RTL1: variants seen among roughly 807,000 people sequenced by gnomAD.
RTL1 encodes the protein retrotransposon Gag like 1, also known as retrotransposon-like protein 1.
For missense variants in RTL1, 1,681 were observed against 1,767.5 expected (o/e 0.95, Z 0.88); for synonymous variants, 727 against 748.4 (o/e 0.97, Z 0.47).
chr14:100,899,919 C>A (rs1259600907), intron 2 of RTL1, among the ~76,000 whole-genome samples: 1 of 152,148 alleles, frequency 6.6e-6, no homozygotes, highest in African/African-American at 2.4e-5. Flanking sequence ...GGAGACCCAA[C>A]AGAGGACAAC....
At position 100,883,700 on chromosome 14, in the gene RTL1, C is replaced by G. The variant is rs1404771425; in HGVS notation, c.1089G>C (p.Glu363Asp). 1 of 1,551,682 alleles carries G rather than the reference C, an allele frequency of 6.4e-7. No homozygotes were observed. The highest frequency in any genetic ancestry group is 8.7e-7 in the Non-Finnish European group (1 of 1,147,004). Residue 363 changes from glutamate (E) to aspartate (D), a missense_variant, in exon 4 of 4, where the codon GAG becomes GAC. Coordinates refer to ENST00000649591, the MANE Select transcript of RTL1 (RefSeq NM_001134888.3). This position sits in a 1 kb window ranked among gnomAD's most constrained non-coding sequence, Gnocchi z 5.9. ...LILQIEEKLA[E>D]RRAMLRLPPE... ...GGGGCAGCCTGAGCATAGCTCTTCT[C>G]TCTGCCAGCTTCTCTTCTATTTGCA...
Position 100,882,418 on chromosome 14 carries a change from T to G in RTL1, c.2371A>C (p.Lys791Gln). 1 of 1,552,006 alleles carries G rather than the reference T, an allele frequency of 6.4e-7. No individual in the cohort carries two copies. Among genetic ancestry groups the G allele is most frequent in the Non-Finnish European group, 8.7e-7 (1 of 1,147,074 alleles). Residue 791 changes from lysine to glutamine, a missense_variant, in exon 4 of 4, where the codon AAG becomes CAG. Physicochemically the swap from Lys to Gln is moderately conservative, Grantham distance 53 (BLOSUM62 1). Coordinates refer to ENST00000649591, the MANE Select transcript of RTL1 (RefSeq NM_001134888.3). Reference sequence around the variant, plus strand: ...CCTGTTATGATGGTCATGACGTTCTTGTTCAGTTTCACCCCTTTGGGGGTG... The same window carrying G: ...CCTGTTATGATGGTCATGACGTTCTGGTTCAGTTTCACCCCTTTGGGGGTG... ...VVTPKGVKLN[K>Q]NVMTIITGYP... is the part of the protein sequence containing the mutation.
In RTL1 at chr14:100,882,330, C is replaced by T. The variant is rs1361005947; in HGVS notation, c.2459G>A (p.Arg820His). 1 of 1,551,650 alleles carries T rather than the reference C, an allele frequency of 6.4e-7. No individual in the cohort carries two copies. Among genetic ancestry groups the T allele is most frequent in the Non-Finnish European group, 8.7e-7 (1 of 1,147,008 alleles). ...RNFIEFVFPY[R>H]HFVERFSIIA... is the part of the protein sequence containing the mutation. ...GATGCTGAAGCGCTCCACGAAGTGGCGGTAGGGGAAGACGAATTCGATGAA... is the reference window on the plus strand; with the variant it reads ...GATGCTGAAGCGCTCCACGAAGTGGTGGTAGGGGAAGACGAATTCGATGAA... Residue 820 changes from arginine to histidine, a missense_variant, in exon 4 of 4, where the codon CGC becomes CAC. Coordinates refer to ENST00000649591, the MANE Select transcript of RTL1 (RefSeq NM_001134888.3).
At chr14:100,888,419 T>TA (rs2038722852) in intron 3 of RTL1, among the ~76,000 whole-genome samples, 1 of 152,178 alleles carries the variant, frequency 6.6e-6, no homozygotes, top group South Asian at 2.1e-4. Context: ...GATGATCTAT[T>TA]AAAAAACCCC....
intron 3 of RTL1, among the ~76,000 whole-genome samples, chr14:100,888,470 A>AAGCC (rs749105306): frequency 0.098 from 14,941 of 152,228 alleles, 957 homozygotes; most frequent in Middle Eastern, 0.15. Context: ...TTATTGGCTT[A>AAGCC]AATCCAAAGT....
chr14:100,881,413 G>A lies in RTL1; in HGVS notation c.3376C>T (p.Leu1126Phe), dbSNP rs1566752436. ...ARPQPQRSLR[L>F]ILDSSLIAGS... ...GCGATGAGGGACGAATCCAGGATGAGTCGTAGGGAGCGCTGGGGCTGGGGC... is the reference window on the plus strand; with the variant it reads ...GCGATGAGGGACGAATCCAGGATGAATCGTAGGGAGCGCTGGGGCTGGGGC... The change falls in exon 4 of 4, where the codon CTC (leucine) becomes TTC (phenylalanine). Residue 1126 changes from leucine (L) to phenylalanine (F), a missense_variant. Coordinates refer to ENST00000649591, the MANE Select transcript of RTL1 (RefSeq NM_001134888.3). This position sits in a 1 kb window ranked among gnomAD's most constrained non-coding sequence, Gnocchi z 6.6. 10 of 1,550,754 alleles carry A rather than the reference G, an allele frequency of 6.4e-6. No homozygotes were observed. Among genetic ancestry groups the A allele is most frequent in the Admixed American group, 2.0e-5 (1 of 50,990 alleles).
chr14:100,885,940 T>C lies in RTL1; in HGVS notation c.-86-1066A>G, dbSNP rs551254178. Among the ~76,000 whole-genome samples, 15 of 152,230 alleles carry C rather than the reference T, an allele frequency of 9.9e-5. No individual in the cohort carries two copies. In the East Asian group the frequency reaches 2.1e-3, roughly 22 times the overall value. ...ACATGTATCTGGCAGAGTTGGGACA[T>C]TGAGTGTGGGGGTTGGGGGGAACAT... On this transcript the variant is annotated intron_variant, in intron 3 of 3. Transcript: ENST00000649591.
At chr14:100,901,182 C>T (rs541479002) in intron 2 of RTL1, among the ~76,000 whole-genome samples, 17 of 152,334 alleles carry the variant, frequency 1.1e-4, no homozygotes, top group Admixed American at 7.8e-4. Flanking sequence ...ACTCTGCCCT[C>T]CTTGAAATTT....
At chr14:100,895,199 G>A (rs2038838495) in intron 2 of RTL1, among the ~76,000 whole-genome samples, 1 of 152,240 alleles carries the variant, frequency 6.6e-6, no homozygotes, top group Admixed American at 6.5e-5. Flanking sequence ...CGGTGTTAAA[G>A]TTTATCACCA....
chr14:100,897,997 AG>A (rs767138320), intron 2 of RTL1: 4 of 513,112 alleles, frequency 7.8e-6, no homozygotes, highest in South Asian at 5.7e-5. Flanking sequence ...GAGGTCCATT[AG>A]AAGACAATAG....
At chr14:100,894,502 C>T (rs1426372666) in intron 2 of RTL1, among the ~76,000 whole-genome samples, 1 of 152,148 alleles carries the variant, frequency 6.6e-6, no homozygotes, top group Non-Finnish European at 1.5e-5. Context: ...CGCCCTGGGT[C>T]CCCATACACA....
chr14:100,896,054 C>G (rs903959279), intron 2 of RTL1, among the ~76,000 whole-genome samples: 8 of 147,354 alleles, frequency 5.4e-5, no homozygotes, highest in Non-Finnish European at 7.4e-5. Context: ...GCCTGGGTGA[C>G]AGCAAGACTC....
At chr14:100,890,244 G>A (rs1489846480) in intron 3 of RTL1, among the ~76,000 whole-genome samples, 1 of 151,834 alleles carries the variant, frequency 6.6e-6, no homozygotes, top group Non-Finnish European at 1.5e-5. Flanking sequence ...CTCCTTGCTT[G>A]CCTCTGAGCC....
In RTL1 at chr14:100,882,828, A is replaced by G; in HGVS notation, c.1961T>C (p.Phe654Ser). The change falls in exon 4 of 4, where the codon TTT becomes TCT. Residue 654 changes from phenylalanine (F) to serine (S), a missense_variant. Phe to Ser is a radical substitution (Grantham distance 155). Transcript: ENST00000649591. ...QDYIQMIPEL[F>S]DQLHGAEWFT... ...CCACTCGGCTCCGTGTAACTGGTCAAACAGTTCCGGAATCATCTGTATGTA... is the reference window on the plus strand; with the variant it reads ...CCACTCGGCTCCGTGTAACTGGTCAGACAGTTCCGGAATCATCTGTATGTA... 1.9e-6 allele frequency: 3 copies of G among 1,552,648 alleles called. No individual in the cohort carries two copies. The highest frequency in any genetic ancestry group is 2.4e-5 in the South Asian group (2 of 84,276).
rs200271756 is a variant in RTL1, at chr14:100,883,575, T to C, written c.1214A>G (p.Asn405Ser). Residue 405 changes from asparagine to serine, a missense_variant, in exon 4 of 4, where the codon AAT becomes AGT. Asn to Ser is a conservative substitution (Grantham distance 46). Coordinates refer to ENST00000649591, the MANE Select transcript of RTL1 (RefSeq NM_001134888.3). This position sits in a 1 kb window ranked among gnomAD's most constrained non-coding sequence, Gnocchi z 5.9. ...GAGCAGCAGGAAGAGGTGGGCGCGA[T>C]TGATGTCCGGATGGACTTCGCTGGG... ...WLPSEVHPDI[N>S]RAHLFLLLMV... The C allele has an allele frequency of 9.6e-4, 1,484 of 1,551,352 alleles. 1 individual carries two copies. The highest frequency in any genetic ancestry group is 1.2e-3 in the Non-Finnish European group (1,415 of 1,147,000).
intron 3 of RTL1, among the ~76,000 whole-genome samples, chr14:100,890,309 G>A (rs865790394): frequency 2.0e-5 from 3 of 151,918 alleles, no homozygotes; most frequent in Admixed American, 1.3e-4. Context: ...TTGGGTGTGG[G>A]GGGGGCCATG....
At chr14:100,892,372 G>A (rs529997803) in intron 3 of RTL1, among the ~76,000 whole-genome samples, 5 of 152,348 alleles carry the variant, frequency 3.3e-5, no homozygotes, top group Admixed American at 1.3e-4. Context: ...CAGTTTCTAA[G>A]GGGATGATTA....
Position 100,884,159 on chromosome 14 carries a change from G to A in RTL1, c.630C>T (p.Arg210=). 1 of 1,551,722 alleles carries A rather than the reference G, an allele frequency of 6.4e-7. No individual in the cohort carries two copies. Among genetic ancestry groups the A allele is most frequent in the Non-Finnish European group, 8.7e-7 (1 of 1,146,990 alleles). Reference sequence around the variant, plus strand: ...GTACGATGAACTCGTGGAATTCTCTGCGATCGCCAGAGAAGTGCTTTGGGG... The same window carrying A: ...GTACGATGAACTCGTGGAATTCTCTACGATCGCCAGAGAAGTGCTTTGGGG... ...LPAPKHFSGD[R]REFHEFIVLC... is the part of the protein sequence containing the mutation. The change falls in exon 4 of 4, where the codon CGC becomes CGT. Residue 210 remains arginine, a synonymous_variant. Transcript: ENST00000649591.
chr14:100,897,904 TA>T, intron 2 of RTL1: 1 of 507,504 alleles, frequency 2.0e-6, no homozygotes, highest in Non-Finnish European at 4.0e-6. Flanking sequence ...ATTAGCAAAA[TA>T]AAAGGGGGCT....
Sources: gnomAD v4.1 joint callset for allele counts (sites outside exome capture counted in the v4.1 genomes callset) on GRCh38, gnomAD v4.1.1 for gene constraint, Gnocchi (gnomAD v3.1) non-coding constraint, MANE v1.5 for transcripts, NCBI Gene and HGNC (gene_info 2026-07-23, HGNC 2026-07-21) for gene names.